Variants in ZNF214 observed in about 807,000 individuals in gnomAD.
ZNF214 encodes the protein BWSCR2-associated zinc finger protein 1.
ZNF214 carries 43 observed loss-of-function variants against 53.9 expected under a neutral mutation model. The observed-to-expected ratio is 0.80, with a 90% CI of 0.63 to 1.03. ZNF214 has a LOEUF of 1.03. Among genes scored for constraint, ZNF214 ranks in the 50% least tolerant of loss-of-function variants. The pLI, the probability that ZNF214 is intolerant of heterozygous loss-of-function variation, is 0.00. For missense variants in ZNF214, 724 were observed against 719.1 expected, an observed-to-expected ratio of 1.01 and a Z score of -0.08; for synonymous variants, 217 against 229.5, an observed-to-expected ratio of 0.95 and a Z score of 0.49.
Position 6,999,986 on chromosome 11 carries a change from C to T in ZNF214, c.1697G>A (p.Ser566Asn). The T allele has an allele frequency of 6.2e-7, 1 of 1,613,272 alleles. No homozygotes were observed. Among genetic ancestry groups the T allele is most frequent in the Non-Finnish European group, 8.5e-7 (1 of 1,179,516 alleles). The change falls in exon 3 of 3, where the codon AGC becomes AAC. Residue 566 changes from serine (S) to asparagine (N), a missense_variant. Transcript: ENST00000278314. Reference protein sequence around the residue: ...CAKCGKGFSHSSALRIHQRVH... With the variant: ...CAKCGKGFSHNSALRIHQRVH... ...TCTTTGATGAATTCGAAGAGCTGAG[C>T]TATGACTGAAACCTTTACCACACTT...
At chr11:7,016,062 C>G (rs1326284790) in intron 1 of ZNF214, 1 of 152,078 alleles carries the variant, frequency 6.6e-6, no homozygotes, top group Non-Finnish European at 1.5e-5. Context: ...TACTCTGTCT[C>G]AATTCTTACG....
Position 6,997,855 on chromosome 11 carries a change from C to T in ZNF214, c.*2007G>A, listed in dbSNP as rs1217159747. 6.6e-6 allele frequency among the ~76,000 whole-genome samples: 1 copy of T among 151,912 alleles called. No homozygotes were observed. The highest frequency in any genetic ancestry group is 1.5e-5 in the Non-Finnish European group (1 of 67,874). ...CAAACTTAACTGGGTGTCCTGACAA[C>T]CTTACTCTCCTACCCAGACTCAGCA... On this transcript the variant is annotated 3_prime_UTR_variant, in exon 3 of 3. Transcript: ENST00000278314.
chr11:7,018,032 CGT>C (rs1373112321), intron 1 of ZNF214, among the ~76,000 whole-genome samples: 1 of 152,010 alleles, frequency 6.6e-6, no homozygotes, highest in Non-Finnish European at 1.5e-5. Flanking sequence ...TTTTTATATA[CGT>C]GTGTGCATAT....
intron 1 of ZNF214, among the ~76,000 whole-genome samples, chr11:7,012,832 C>T (rs1029497407): frequency 6.6e-6 from 1 of 152,178 alleles, no homozygotes; most frequent in African/African-American, 2.4e-5. Context: ...ACTACCATAT[C>T]ACTAATTACT....
At chr11:7,019,944 T>G (rs1851875653) in intron 1 of ZNF214, 129 bp downstream of exon 1, 1 of 152,176 alleles carries the variant, frequency 6.6e-6, no homozygotes, top group African/African-American at 2.4e-5. Context: ...GGGGGTCCCC[T>G]GCTCCTGCAC....
At chr11:7,009,672 A>C (rs978777516) in intron 1 of ZNF214, among the ~76,000 whole-genome samples, 3 of 152,238 alleles carry the variant, frequency 2.0e-5, no homozygotes, top group African/African-American at 7.2e-5. Context: ...TTTGCAAACT[A>C]TGCATCTGAC....
chr11:7,019,409 A>G (rs1306333892), intron 1 of ZNF214, among the ~76,000 whole-genome samples: 2 of 152,160 alleles, frequency 1.3e-5, no homozygotes, highest in Non-Finnish European at 2.9e-5. Context: ...ACTACTAACA[A>G]TAATAGGAAA....
chr11:7,016,369 CA>C (rs747060792), intron 1 of ZNF214, among the ~76,000 whole-genome samples: 2 of 152,100 alleles, frequency 1.3e-5, no homozygotes, highest in Non-Finnish European at 2.9e-5. Flanking sequence ...ATTGATTAAA[CA>C]TAATGAAAGG....
At position 6,997,538 on chromosome 11, in the gene ZNF214, G is replaced by A. The variant is rs1295596891; in HGVS notation, c.*2324C>T. Among the ~76,000 whole-genome samples the A allele has an allele frequency of 2.0e-5, 3 of 149,016 alleles. No individual in the cohort carries two copies. The highest frequency in any genetic ancestry group is 7.4e-5 in the African/African-American group (3 of 40,334). On this transcript the variant is annotated 3_prime_UTR_variant, in exon 3 of 3. Transcript: ENST00000278314. Reference sequence around the variant, plus strand: ...GCTTTTATCTTCTCCCATTTTGAAAGGTATATGCACTTTTTTTAGTTTTAT... The same window carrying A: ...GCTTTTATCTTCTCCCATTTTGAAAAGTATATGCACTTTTTTTAGTTTTAT...
chr11:6,998,819 A>G lies in ZNF214; in HGVS notation c.*1043T>C, dbSNP rs553485775. The stretch of plus-strand genomic sequence containing the variant: ...TTTCTTCAGTATTGCAATTCCCTCT[A>G]ATTTTCCTAAACATGTCCACTTTTT... On this transcript the variant is annotated 3_prime_UTR_variant, in exon 3 of 3. Transcript: ENST00000278314. 6.6e-6 allele frequency among the ~76,000 whole-genome samples: 1 copy of G among 151,846 alleles called. No individual in the cohort carries two copies. The highest frequency in any genetic ancestry group is 2.4e-5 in the African/African-American group (1 of 41,378).
intron 1 of ZNF214, among the ~76,000 whole-genome samples, chr11:7,015,449 C>A (rs1042911382): frequency 1.3e-5 from 2 of 151,902 alleles, no homozygotes; most frequent in African/African-American, 4.8e-5. Context: ...GTGGGGCTCA[C>A]CCGTGTAATC....
At chr11:7,013,892 C>A (rs1239869033) in intron 1 of ZNF214, among the ~76,000 whole-genome samples, 1 of 152,144 alleles carries the variant, frequency 6.6e-6, no homozygotes, top group Non-Finnish European at 1.5e-5. Flanking sequence ...ATAATAACAT[C>A]AAATAAGAAA....
At position 7,018,938 on chromosome 11, in the gene ZNF214, C is replaced by G. The variant is rs568601002; in HGVS notation, c.-21+1135G>C. 4.4e-4 allele frequency among the ~76,000 whole-genome samples: 67 copies of G among 152,232 alleles called. 2 individuals are homozygous for G. The South Asian group carries it at 0.013, about 30-fold the overall frequency. ...TGGGGCAGGGTCAAGTCTGCACGCTCGAAAATTTCACAGGCAAGCGAGGAA... is the reference window on the plus strand; with the variant it reads ...TGGGGCAGGGTCAAGTCTGCACGCTGGAAAATTTCACAGGCAAGCGAGGAA... On this transcript the variant is annotated intron_variant, in intron 1 of 2. Transcript: ENST00000278314.
intron 1 of ZNF214, among the ~76,000 whole-genome samples, chr11:7,015,534 G>A (rs1851742288): frequency 6.6e-6 from 1 of 152,026 alleles, no homozygotes; most frequent in African/African-American, 2.4e-5. Flanking sequence ...CCAAGAGTGT[G>A]CCACTGAACT....
Position 6,999,927 on chromosome 11 carries a change from C to T in ZNF214, c.1756G>A (p.Glu586Lys), listed in dbSNP as rs200357300. The T allele has an allele frequency of 1.9e-5, 30 of 1,612,676 alleles. No individual in the cohort carries two copies. The highest frequency in any genetic ancestry group is 6.6e-5 in the South Asian group (6 of 91,004). ...TTATGATCAAATCCCTTATAATATT[C>T]ACGGCATTTGTAAGGTTTCTCTCCT... ...HAGEKPYKCR[E>K]YYKGFDHNSH... is the part of the protein sequence containing the mutation. The change falls in exon 3 of 3, where the codon GAA (glutamate) becomes AAA (lysine). Residue 586 changes from glutamate (E) to lysine (K), a missense_variant. Coordinates refer to ENST00000278314, the MANE Select transcript of ZNF214 (RefSeq NM_013249.4).
In ZNF214 at chr11:7,007,679, TATTA is replaced by T. The variant is rs569602900; in HGVS notation, c.-20-4828_-20-4825del. ...ACATACCATTAGTTGTAATGATAGA[TATTA>T]ATATGTCCCTCTCAAAAAATTATAG... On this transcript the variant is annotated intron_variant, in intron 1 of 2. Transcript: ENST00000278314. 1.8e-4 allele frequency among the ~76,000 whole-genome samples: 27 copies of T among 152,092 alleles called. No individual in the cohort carries two copies. The East Asian group carries it at 5.0e-3, about 28-fold the overall frequency.
At chr11:7,004,465 G>T (rs564052900) in intron 1 of ZNF214, among the ~76,000 whole-genome samples, 2 of 151,990 alleles carry the variant, frequency 1.3e-5, no homozygotes, top group African/African-American at 4.8e-5. Flanking sequence ...CAAATTATTT[G>T]ATCCTTTCCA....
chr11:7,000,268 C>G lies in ZNF214; in HGVS notation c.1415G>C (p.Cys472Ser), dbSNP rs368509083. The change falls in exon 3 of 3, where the codon TGT (cysteine) becomes TCT (serine). Residue 472 changes from cysteine (C) to serine (S), a missense_variant. Coordinates refer to ENST00000278314, the MANE Select transcript of ZNF214 (RefSeq NM_013249.4). ...ACTGAAGCCCTTCCCACATTCAGGA[C>G]AAGTATAGGGTTTCTCCCCTGTATG... ...RVHTGEKPYT[C>S]PECGKGFSKS... is the part of the protein sequence containing the mutation. The G allele has an allele frequency of 1.2e-5, 20 of 1,613,172 alleles. No individual in the cohort carries two copies. Among genetic ancestry groups the G allele is most frequent in the African/African-American group, 1.2e-4 (9 of 74,850 alleles).
intron 1 of ZNF214, among the ~76,000 whole-genome samples, chr11:7,013,026 T>C (rs569923733): frequency 6.6e-6 from 1 of 152,284 alleles, no homozygotes; most frequent in South Asian, 2.1e-4. Flanking sequence ...CCAGGGTGGC[T>C]AACTCCCATG....
Sources: gnomAD v4.1 joint callset for allele counts (sites outside exome capture counted in the v4.1 genomes callset) on GRCh38, gnomAD v4.1.1 for gene constraint, MANE v1.5 for transcripts, NCBI Gene and HGNC (gene_info 2026-07-23, HGNC 2026-07-21) for gene names.